MC2R: variants seen among roughly 807,000 people sequenced by gnomAD.
MC2R encodes the protein adrenocorticotropic hormone receptor.
Under a neutral mutation model 9.8 loss-of-function variants are expected in MC2R, and 9 were observed. That is an observed-to-expected ratio of 0.92 (90% CI 0.55 to 1.60). The LOEUF (loss-of-function observed/expected upper bound fraction) is 1.60. Ranked by LOEUF, MC2R falls within the 40% of genes most tolerant of loss-of-function variation. The probability of loss-of-function intolerance (pLI) is 0.00; values close to 1 mark genes in which losing one functional copy is unlikely to be tolerated. For missense variants in MC2R, 370 were observed against 389.0 expected (o/e 0.95, Z 0.41); for synonymous variants, 185 against 154.7 (o/e 1.20, Z -1.45).
rs2149134758 is a variant in MC2R, at chr18:13,884,568, TA to T, written c.*56del. On this transcript the variant is annotated 3_prime_UTR_variant, in exon 2 of 2. Transcript: ENST00000327606. ...ACTGGCATTTGTTGGAATGTTACAC[TA>T]TTCTGGCACTTGGCAACGTTATTCC... The T allele has an allele frequency of 6.3e-7, 1 of 1,580,620 alleles. No individual in the cohort carries two copies. The highest frequency in any genetic ancestry group is 2.2e-5 in the East Asian group (1 of 44,718).
In MC2R at chr18:13,884,887, G is replaced by T; in HGVS notation, c.632C>A (p.Pro211His). The T allele has an allele frequency of 1.9e-6, 3 of 1,614,060 alleles. No individual in the cohort carries two copies. Among genetic ancestry groups the T allele is most frequent in the Non-Finnish European group, 2.5e-6 (3 of 1,180,010 alleles). The change falls in exon 2 of 2, where the codon CCC becomes CAC. Residue 211 changes from proline to histidine, a missense_variant. Physicochemically the swap from Pro to His is moderately conservative, Grantham distance 77. Coordinates refer to ENST00000327606, the MANE Select transcript of MC2R (RefSeq NM_000529.2). ...GATGGCCCCTTTCATGTTGGCTCTG[G>T]GGAGGGTGGAGATCTTCCTGGTGTG... Reference protein sequence around the residue: ...RSHTRKISTLPRANMKGAITL... With the variant: ...RSHTRKISTLHRANMKGAITL...
intron 1 of MC2R, among the ~76,000 whole-genome samples, chr18:13,894,864 T>C (rs1254524990): frequency 6.6e-6 from 1 of 152,224 alleles, no homozygotes; most frequent in Admixed American, 6.5e-5. Flanking sequence ...CAAGATCAAA[T>C]GTTTTGAAGG....
At chr18:13,912,328 A>G (rs1445231829) in intron 1 of MC2R, among the ~76,000 whole-genome samples, 2 of 152,078 alleles carry the variant, frequency 1.3e-5, no homozygotes, top group Admixed American at 6.5e-5. Context: ...AGGCTCAGGG[A>G]GGTTGGGTTA....
chr18:13,884,459 T>TGTTC lies in MC2R; in HGVS notation c.*162_*165dup, dbSNP rs1567895189. Reference sequence around the variant, plus strand: ...TAAGAGGTTGCCCCTACAATAAGACTGTTCACATAGAACCTAGCTATTAGA... The same window carrying TGTTC: ...TAAGAGGTTGCCCCTACAATAAGACTGTTCGTTCACATAGAACCTAGCTATTAGA... On this transcript the variant is annotated 3_prime_UTR_variant, in exon 2 of 2. Coordinates refer to ENST00000327606, the MANE Select transcript of MC2R (RefSeq NM_000529.2). The TGTTC allele has an allele frequency of 4.0e-6, 3 of 747,726 alleles. No homozygotes were observed. Among genetic ancestry groups the TGTTC allele is most frequent in the Non-Finnish European group, 6.9e-6 (3 of 432,396 alleles). The allele number at this position is 747,726 out of a possible 1,614,324, so 46.3% of individuals were successfully genotyped here.
intron 1 of MC2R, among the ~76,000 whole-genome samples, chr18:13,897,184 G>A (rs535515035): frequency 7.2e-5 from 11 of 152,310 alleles, no homozygotes; most frequent in Non-Finnish European, 1.3e-4. Flanking sequence ...AGCGTGGTGT[G>A]GAGAGCATCT....
In MC2R at chr18:13,882,818, A is replaced by G. The variant is rs915459536; in HGVS notation, c.*1807T>C. On this transcript the variant is annotated 3_prime_UTR_variant, in exon 2 of 2. Transcript: ENST00000327606. Reference sequence around the variant, plus strand: ...AATTAGTTCTAGGGTTGTGCTTTAGATTTCATGAAAAATTAACTTATATAT... The same window carrying G: ...AATTAGTTCTAGGGTTGTGCTTTAGGTTTCATGAAAAATTAACTTATATAT... The G allele has an allele frequency of 2.4e-4, 36 of 152,248 alleles. No homozygotes were observed. The highest frequency in any genetic ancestry group is 4.4e-5 in the Non-Finnish European group (3 of 68,052). The allele number at this position is 152,248 out of a possible 1,614,324, so 9.4% of individuals were successfully genotyped here.
chr18:13,895,091 C>A (rs2045338744), intron 1 of MC2R, among the ~76,000 whole-genome samples: 1 of 152,186 alleles, frequency 6.6e-6, no homozygotes, highest in Non-Finnish European at 1.5e-5. Flanking sequence ...AACTGAGGTG[C>A]ACGGTAATAA....
chr18:13,906,354 T>TC (rs2045414253), intron 1 of MC2R, among the ~76,000 whole-genome samples: 1 of 152,058 alleles, frequency 6.6e-6, no homozygotes, highest in South Asian at 2.1e-4. Flanking sequence ...CTGCATGTTC[T>TC]CACTCATAAG....
In MC2R at chr18:13,885,269, T is replaced by A. The variant is rs1390460932; in HGVS notation, c.250A>T (p.Ile84Phe). The A allele has an allele frequency of 6.2e-7, 1 of 1,614,068 alleles. No homozygotes were observed. The highest frequency in any genetic ancestry group is 8.5e-7 in the Non-Finnish European group (1 of 1,180,034). The part of the protein sequence containing the change: ...SLYKILENIL[I>F]ILRNMGYLKP... The stretch of plus-strand genomic sequence containing the variant: ...AGATAGCCCATGTTTCTCAATATGA[T>A]CAGGATATTTTCCAAGATCTTATAT... The change falls in exon 2 of 2, where the codon ATC (isoleucine) becomes TTC (phenylalanine). Residue 84 changes from isoleucine (I) to phenylalanine (F), a missense_variant. Physicochemically the swap from Ile to Phe is conservative, Grantham distance 21. Coordinates refer to ENST00000327606, the MANE Select transcript of MC2R (RefSeq NM_000529.2).
Position 13,884,756 on chromosome 18 carries a change from T to C in MC2R, c.763A>G (p.Met255Val), listed in dbSNP as rs766799851. 7 of 1,613,920 alleles carry C rather than the reference T, an allele frequency of 4.3e-6. No homozygotes were observed. Among genetic ancestry groups the C allele is most frequent in the Non-Finnish European group, 5.9e-6 (7 of 1,179,978 alleles). Residue 255 changes from methionine to valine, a missense_variant, in exon 2 of 2, where the codon ATG (methionine) becomes GTG (valine). By Grantham distance (21) the Met-to-Val change is conservative. Coordinates refer to ENST00000327606, the MANE Select transcript of MC2R (RefSeq NM_000529.2). ...ATGCCGTTCACCTGGAAGAGAGACA[T>C]GTAGCAGGCGCAGTAGGGGTTACTT... Reference protein sequence around the residue: ...CPSNPYCACYMSLFQVNGMLI... With the variant: ...CPSNPYCACYVSLFQVNGMLI...
At chr18:13,910,551 C>T (rs1468534238) in intron 1 of MC2R, among the ~76,000 whole-genome samples, 1 of 152,214 alleles carries the variant, frequency 6.6e-6, no homozygotes, top group Non-Finnish European at 1.5e-5. Flanking sequence ...GTGTTTCTTG[C>T]TGTTTTGCAA....
At chr18:13,898,944 C>T (rs567626771) in intron 1 of MC2R, among the ~76,000 whole-genome samples, 1 of 152,314 alleles carries the variant, frequency 6.6e-6, no homozygotes, top group Admixed American at 6.5e-5. Flanking sequence ...AAATACCTGA[C>T]TCTTCAGTAC....
At chr18:13,914,615 T>G (rs2045465758) in intron 1 of MC2R, among the ~76,000 whole-genome samples, 2 of 152,200 alleles carry the variant, frequency 1.3e-5, no homozygotes, top group Non-Finnish European at 2.9e-5. Context: ...CATGTATGTA[T>G]GTATGTTTAC....
At position 13,904,229 on chromosome 18, in the gene MC2R, A is replaced by T. The variant is rs1171227347; in HGVS notation, c.-129+11259T>A. ...CTCTACTAAAAATACAAAAAAAAAA[A>T]ACTTAGGCAGGCGAGGTGGTGGGCA... On this transcript the variant is annotated intron_variant, in intron 1 of 1. Coordinates refer to ENST00000327606, the MANE Select transcript of MC2R (RefSeq NM_000529.2). Among the ~76,000 whole-genome samples the T allele has an allele frequency of 2.6e-5, 4 of 151,244 alleles. No individual in the cohort carries two copies. In the East Asian group the frequency reaches 7.8e-4, roughly 29 times the overall value.
chr18:13,884,716 T>C lies in MC2R; in HGVS notation c.803A>G (p.Asn268Ser), dbSNP rs2045261845. 4 of 1,614,114 alleles carry C rather than the reference T, an allele frequency of 2.5e-6. No homozygotes were observed. In the South Asian group the frequency reaches 3.3e-5, roughly 13 times the overall value. ...FQVNGMLIMC[N>S]AVIDPFIYAF... ...ATATATGAAGGGGTCAATGACGGCATTGCACATGATCAACATGCCGTTCAC... is the reference window on the plus strand; with the variant it reads ...ATATATGAAGGGGTCAATGACGGCACTGCACATGATCAACATGCCGTTCAC... The change falls in exon 2 of 2, where the codon AAT (asparagine) becomes AGT (serine). Residue 268 changes from asparagine (N) to serine (S), a missense_variant. By Grantham distance (46) the Asn-to-Ser change is conservative (BLOSUM62 1). Transcript: ENST00000327606.
chr18:13,905,042 C>G (rs1226844780), intron 1 of MC2R, among the ~76,000 whole-genome samples: 1 of 152,196 alleles, frequency 6.6e-6, no homozygotes, highest in Non-Finnish European at 1.5e-5. Flanking sequence ...CAAATGGGAT[C>G]TAATTACACT....
rs571188273 is a variant in MC2R, at chr18:13,904,775, C to T, written c.-129+10713G>A. 6.6e-5 allele frequency among the ~76,000 whole-genome samples: 10 copies of T among 152,058 alleles called. No individual in the cohort carries two copies. In the East Asian group the frequency reaches 1.2e-3, roughly 18 times the overall value. Reference sequence around the variant, plus strand: ...ACAACCATCTGATCTTTGACAAACCCGACAAAAACAAGCAAGGGGAAAGGA... The same window carrying T: ...ACAACCATCTGATCTTTGACAAACCTGACAAAAACAAGCAAGGGGAAAGGA... On this transcript the variant is annotated intron_variant, in intron 1 of 1. Transcript: ENST00000327606.
At position 13,885,011 on chromosome 18, in the gene MC2R, G is replaced by A; in HGVS notation, c.508C>T (p.His170Tyr). ...AAGGTGATCACTGTGGGCACATGAT[G>A]GGAGAAGATCACCATGGTGATGCCA... is the stretch of plus-strand genomic sequence containing the variant. ...GTGITMVIFS[H>Y]HVPTVITFTS... is the part of the protein sequence containing the mutation. The change falls in exon 2 of 2, where the codon CAT becomes TAT. Residue 170 changes from histidine to tyrosine, a missense_variant. Transcript: ENST00000327606. The A allele has an allele frequency of 6.2e-7, 1 of 1,614,174 alleles. No homozygotes were observed.
At chr18:13,898,651 A>G (rs375493437) in intron 1 of MC2R, among the ~76,000 whole-genome samples, 1 of 152,228 alleles carries the variant, frequency 6.6e-6, no homozygotes, top group East Asian at 1.9e-4. Context: ...CTCCACCCCC[A>G]GATTTAGGTG....
Sources: allele counts gnomAD v4.1 joint callset (sites outside exome capture counted in the v4.1 genomes callset), GRCh38; gene constraint gnomAD v4.1.1; transcripts MANE v1.5; gene names NCBI Gene and HGNC (gene_info 2026-07-23, HGNC 2026-07-21).